ITGA4: variants seen among roughly 807,000 people sequenced by gnomAD.
ITGA4 encodes the protein integrin subunit alpha 4, also known as integrin alpha-4.
In ITGA4, 63 loss-of-function variants were observed where a neutral mutation model predicts 133.6. The ratio of observed to expected loss-of-function variants is 0.47; its 90% confidence interval spans 0.38 to 0.58. The LOEUF is 0.58. Among genes scored for constraint, ITGA4 ranks in the 20% least tolerant of loss-of-function variants. ITGA4 has a pLI of 0.00. For synonymous variants in ITGA4, 483 were observed against 438.0 expected, an observed-to-expected ratio of 1.10 and a Z score of -1.28; for missense variants, 1,076 against 1,252.7, an observed-to-expected ratio of 0.86 and a Z score of 2.13.
intron 15 of ITGA4, 39 bp from the exon 16 acceptor site, chr2:181,509,619 C>A: frequency 6.7e-7 from 1 of 1,503,156 alleles, no homozygotes; most frequent in Non-Finnish European, 8.9e-7. Flanking sequence ...AATCTACGTG[C>A]TTGTTTTTGT....
chr2:181,490,877 A>G (rs911272167), intron 10 of ITGA4, among the ~76,000 whole-genome samples: 1 of 152,238 alleles, frequency 6.6e-6, no homozygotes, highest in African/African-American at 2.4e-5. Context: ...ATTTTGATTT[A>G]TACTAAAAGA....
intron 6 of ITGA4, among the ~76,000 whole-genome samples, 181 bp downstream of exon 6, chr2:181,480,447 T>G (rs530474600): frequency 6.6e-6 from 1 of 152,110 alleles, no homozygotes; most frequent in Admixed American, 6.6e-5. Context: ...GAACTCAGTA[T>G]TTTACATTTA....
At chr2:181,462,237 C>T (rs997533415) in intron 2 of ITGA4, among the ~76,000 whole-genome samples, 4 of 152,198 alleles carry the variant, frequency 2.6e-5, no homozygotes, top group African/African-American at 9.6e-5. Flanking sequence ...TCTATAGTTA[C>T]TGGGCCTTCA....
intron 21 of ITGA4, among the ~76,000 whole-genome samples, chr2:181,525,620 A>G (rs1232443358): frequency 6.6e-6 from 1 of 152,220 alleles, no homozygotes; most frequent in African/African-American, 2.4e-5. Context: ...TGCAGTCTGC[A>G]TAATCATACT....
At chr2:181,477,280 G>A (rs1685698570) in intron 4 of ITGA4, among the ~76,000 whole-genome samples, 1 of 151,948 alleles carries the variant, frequency 6.6e-6, no homozygotes, top group Non-Finnish European at 1.5e-5. Context: ...AAACATAAGA[G>A]AAAAGCTACT....
chr2:181,530,952 C>A (rs751591348), intron 24 of ITGA4, among the ~76,000 whole-genome samples: 1 of 151,938 alleles, frequency 6.6e-6, no homozygotes, highest in East Asian at 1.9e-4. Context: ...CAGAGTGAAA[C>A]CCCGTCTCTA....
chr2:181,470,493 G>T (rs988016039), intron 2 of ITGA4, among the ~76,000 whole-genome samples: 1 of 152,100 alleles, frequency 6.6e-6, no homozygotes, highest in Non-Finnish European at 1.5e-5. Flanking sequence ...TCTTAACCCA[G>T]ACATGTCAAG....
At chr2:181,459,094 T>C (rs999603811) in intron 2 of ITGA4, 3 of 152,206 alleles carry the variant, frequency 2.0e-5, no homozygotes, top group Non-Finnish European at 4.4e-5. Flanking sequence ...CTGCTATATA[T>C]ATTGCTTAAC....
chr2:181,527,476 G>T (rs1434941186), intron 22 of ITGA4, 89 bp downstream of exon 22: 1 of 880,968 alleles, frequency 1.1e-6, no homozygotes, highest in Non-Finnish European at 1.8e-6. Flanking sequence ...CACCTATGAC[G>T]TCCTTCAGCC....
At chr2:181,532,418 C>T (rs915385679) in intron 25 of ITGA4, among the ~76,000 whole-genome samples, 1 of 152,070 alleles carries the variant, frequency 6.6e-6, no homozygotes, top group Non-Finnish European at 1.5e-5. Context: ...TTGTTTGTGT[C>T]CTCTTATTTC....
chr2:181,530,720 A>C, intron 24 of ITGA4, 71 bp downstream of exon 24: 1 of 1,406,632 alleles, frequency 7.1e-7, no homozygotes, highest in Non-Finnish European at 1.0e-6. Context: ...AATCAAGTCA[A>C]TGGGTTTGAG....
In ITGA4 at chr2:181,478,847, C is replaced by T. The variant is rs1331695709; in HGVS notation, c.624+23C>T. On this transcript the variant is annotated intron_variant, in intron 5 of 27. Coordinates refer to ENST00000397033, the MANE Select transcript of ITGA4 (RefSeq NM_000885.6). The stretch of plus-strand genomic sequence containing the variant: ...AAGGTAATTGTTCAAAAAATAGCTG[C>T]TATAAATGTTTACATATAGAATCTT... 6 of 1,250,972 alleles carry T rather than the reference C, an allele frequency of 4.8e-6. No individual in the cohort carries two copies. In the Admixed American group the frequency reaches 1.0e-4, roughly 21 times the overall value. 77.5% of individuals were successfully genotyped at this position (1,250,972 alleles called of 1,614,324 possible). A position where few individuals can be genotyped will look rare whatever the true frequency, so the allele number is the denominator to read the frequency against.
intron 2 of ITGA4, among the ~76,000 whole-genome samples, chr2:181,464,639 A>G (rs1685369428): frequency 6.6e-6 from 1 of 152,166 alleles, no homozygotes; most frequent in South Asian, 2.1e-4. Context: ...GTAAGGGCTC[A>G]ATAAATGTGA....
intron 9 of ITGA4, among the ~76,000 whole-genome samples, chr2:181,484,830 G>A (rs1685878478): frequency 6.6e-6 from 1 of 152,222 alleles, no homozygotes. Flanking sequence ...AGGAAGTAGT[G>A]TTTGAGAAAG....
intron 21 of ITGA4, among the ~76,000 whole-genome samples, chr2:181,526,653 A>G (rs887673483): frequency 6.6e-6 from 1 of 151,984 alleles, no homozygotes; most frequent in African/African-American, 2.4e-5. Context: ...GAACCTTAGG[A>G]AAAAACTAAG....
At position 181,523,370 on chromosome 2, in the gene ITGA4, T is replaced by C; in HGVS notation, c.2074-67T>C. The C allele has an allele frequency of 1.1e-6, 1 of 915,490 alleles. No individual in the cohort carries two copies. Among genetic ancestry groups the C allele is most frequent in the Non-Finnish European group, 1.8e-6 (1 of 552,924 alleles). 56.7% of individuals were successfully genotyped at this position (915,490 alleles called of 1,614,324 possible). Reference sequence around the variant, plus strand: ...ATGATATTCTTTTCAATAACCATCCTTAAACATATGTTACAAACTTTTTAT... The same window carrying C: ...ATGATATTCTTTTCAATAACCATCCCTAAACATATGTTACAAACTTTTTAT... On this transcript the variant is annotated intron_variant, in intron 18 of 27. Coordinates refer to ENST00000397033, the MANE Select transcript of ITGA4 (RefSeq NM_000885.6). The surrounding 1 kb of genome is among the most constrained non-coding windows in gnomAD (Gnocchi z 4.2).
chr2:181,538,089 T>C lies in ITGA4; in HGVS notation c.*2562T>C. The C allele has an allele frequency of 1.2e-6, 1 of 820,800 alleles. No individual in the cohort carries two copies. 50.8% of individuals were successfully genotyped at this position (820,800 alleles called of 1,614,324 possible). A position where few individuals can be genotyped will look rare whatever the true frequency, so the allele number is the denominator to read the frequency against. On this transcript the variant is annotated 3_prime_UTR_variant, in exon 28 of 28. Transcript: ENST00000397033. ...GAAAAATTGTCTTCCATGAAACTGG[T>C]CCCAAAAAGGGTGGGGACCACAGGT...
intron 2 of ITGA4, among the ~76,000 whole-genome samples, chr2:181,473,756 C>A (rs1219669745): frequency 6.6e-6 from 1 of 152,090 alleles, no homozygotes; most frequent in South Asian, 2.1e-4. Flanking sequence ...TCACTTGAGG[C>A]AAGAGTTCAA....
chr2:181,537,103 TTTATGACA>T lies in ITGA4; in HGVS notation c.*1579_*1586del. ...AGAGTGTGTATACACAGGAATAAAC[TTTATGACA>T]TTTATGTATTTTTAAAAAACTTTGT... On this transcript the variant is annotated 3_prime_UTR_variant, in exon 28 of 28. Transcript: ENST00000397033. 2.2e-6 allele frequency: 1 copy of T among 452,602 alleles called. No homozygotes were observed. Among genetic ancestry groups the T allele is most frequent in the Non-Finnish European group, 4.4e-6 (1 of 226,306 alleles). 28.0% of individuals were successfully genotyped at this position (452,602 alleles called of 1,614,324 possible).
Sources: gnomAD v4.1 joint callset for allele counts (sites outside exome capture counted in the v4.1 genomes callset) on GRCh38, gnomAD v4.1.1 for gene constraint, Gnocchi (gnomAD v3.1) non-coding constraint, MANE v1.5 for transcripts, NCBI Gene and HGNC (gene_info 2026-07-23, HGNC 2026-07-21) for gene names.